The following SIPA1L3 variants were observed in gnomAD, a reference collection of about 807,000 sequenced individuals.
The protein encoded by SIPA1L3 is signal-induced proliferation-associated 1-like protein 3.
A neutral mutation model predicts 150.1 loss-of-function variants in SIPA1L3; 59 were observed. The observed-to-expected ratio is 0.39, with a 90% CI of 0.32 to 0.49. SIPA1L3 has a LOEUF of 0.49. Among genes scored for constraint, SIPA1L3 ranks in the 20% least tolerant of loss-of-function variants. The probability of loss-of-function intolerance (pLI) is 0.86; values close to 1 mark genes in which losing one functional copy is unlikely to be tolerated. For missense variants in SIPA1L3, 2,211 were observed against 2,489.5 expected, an observed-to-expected ratio of 0.89 and a Z score of 2.38; for synonymous variants, 1,070 against 1,077.6, an observed-to-expected ratio of 0.99 and a Z score of 0.14.
intron 2 of SIPA1L3, among the ~76,000 whole-genome samples, chr19:38,042,429 G>T (rs192377842): frequency 3.9e-4 from 59 of 152,210 alleles, no homozygotes; most frequent in East Asian, 9.6e-4. Context: ...GCTAGTTGGG[G>T]TTTTTTTGTG....
At chr19:38,172,087 C>T (rs58651963) in intron 15 of SIPA1L3, among the ~76,000 whole-genome samples, 1 of 152,214 alleles carries the variant, frequency 6.6e-6, no homozygotes, top group Non-Finnish European at 1.5e-5. Context: ...GGCAAAGTCT[C>T]TGAGGGGGCT....
chr19:38,105,513 C>T (rs1970602870), intron 6 of SIPA1L3, among the ~76,000 whole-genome samples: 1 of 152,196 alleles, frequency 6.6e-6, no homozygotes, highest in African/African-American at 2.4e-5. Flanking sequence ...GCAGGTTTGC[C>T]TCTTCCTAGC....
At chr19:38,183,506 G>C (rs1219616850) in intron 16 of SIPA1L3, among the ~76,000 whole-genome samples, 1 of 152,172 alleles carries the variant, frequency 6.6e-6, no homozygotes, top group Non-Finnish European at 1.5e-5. Flanking sequence ...GGACAGACTT[G>C]CCTTGAGTGG....
intron 6 of SIPA1L3, among the ~76,000 whole-genome samples, chr19:38,101,877 GTGCACACTGGCAGAGT>G (rs1970511579): frequency 6.6e-6 from 1 of 152,194 alleles, no homozygotes; most frequent in African/African-American, 2.4e-5. Context: ...GGTGCACCCA[GTGCACACTGGCAGAGT>G]TGCGCCGTGT....
At chr19:37,938,748 G>C (rs569293316) in intron 1 of SIPA1L3, among the ~76,000 whole-genome samples, 57 of 151,116 alleles carry the variant, frequency 3.8e-4, no homozygotes, top group African/African-American at 1.3e-3. Context: ...TCAGCCTCAC[G>C]AGTAGTTGGG....
At chr19:38,071,959 C>T (rs989214159) in intron 2 of SIPA1L3, among the ~76,000 whole-genome samples, 9 of 152,178 alleles carry the variant, frequency 5.9e-5, no homozygotes, top group Admixed American at 1.3e-4. Context: ...GTGGTGATGT[C>T]AAGTAATCAG....
intron 1 of SIPA1L3, among the ~76,000 whole-genome samples, chr19:37,943,799 C>T (rs577881893): frequency 6.6e-6 from 1 of 152,276 alleles, no homozygotes; most frequent in East Asian, 1.9e-4. Context: ...AGAGGTGTGA[C>T]CTCCTTCTCT....
At position 38,056,721 on chromosome 19, in the gene SIPA1L3, GT is replaced by G. The variant is rs111739944; in HGVS notation, c.-310-24527del. ...AATCAAATGAATGAAAACTTGTTTGGTTTTTTTTCCCCCTGATTTTGAAACA... is the reference window on the plus strand; with the variant it reads ...AATCAAATGAATGAAAACTTGTTTGGTTTTTTTCCCCCTGATTTTGAAACA... On this transcript the variant is annotated intron_variant, in intron 2 of 21. Transcript: ENST00000222345. 2.9e-4 allele frequency among the ~76,000 whole-genome samples: 44 copies of G among 152,098 alleles called. No individual in the cohort carries two copies. The South Asian group carries it at 5.8e-3, about 20-fold the overall frequency.
chr19:38,078,853 C>G (rs1383870198), intron 2 of SIPA1L3, among the ~76,000 whole-genome samples: 1 of 152,114 alleles, frequency 6.6e-6, no homozygotes, highest in Admixed American at 6.5e-5. Context: ...CCCACTTTCC[C>G]CTTCCTCTCC....
intron 1 of SIPA1L3, among the ~76,000 whole-genome samples, chr19:38,024,558 G>A (rs1345951758): frequency 6.6e-6 from 1 of 152,006 alleles, no homozygotes; most frequent in Admixed American, 6.6e-5. Flanking sequence ...AGCTGGCCCT[G>A]GGCCCCAGAT....
intron 3 of SIPA1L3, 93 bp from the exon 4 acceptor site, chr19:38,088,628 C>T: frequency 6.8e-7 from 1 of 1,477,224 alleles, no homozygotes; most frequent in Non-Finnish European, 9.2e-7. Context: ...TGCACAGGAC[C>T]CTGCCTGGTC....
intron 2 of SIPA1L3, among the ~76,000 whole-genome samples, chr19:38,080,249 T>G (rs559817141): frequency 1.4e-4 from 22 of 152,314 alleles, no homozygotes; most frequent in Admixed American, 9.8e-4. Context: ...GCAGAGTAGC[T>G]GAGCTGAGCA....
intron 2 of SIPA1L3, among the ~76,000 whole-genome samples, chr19:38,078,339 G>T (rs1048236880): frequency 2.0e-5 from 3 of 151,972 alleles, no homozygotes; most frequent in African/African-American, 7.3e-5. Context: ...CTTGCTATTT[G>T]CTCCTTGAAT....
In SIPA1L3 at chr19:37,967,606, T is replaced by C. The variant is rs546846777; in HGVS notation, c.-379+60248T>C. ...GTCATACTGGATTAGGGGCTCACCC[T>C]ACTTGATCCCAACTTTACTTCTGCA... On this transcript the variant is annotated intron_variant, in intron 1 of 21. Coordinates refer to ENST00000222345, the MANE Select transcript of SIPA1L3 (RefSeq NM_015073.3). Among the ~76,000 whole-genome samples the C allele has an allele frequency of 3.9e-5, 6 of 152,246 alleles. No homozygotes were observed. The East Asian group carries it at 1.2e-3, about 29-fold the overall frequency.
chr19:37,967,918 CA>C (rs1396927148), intron 1 of SIPA1L3, among the ~76,000 whole-genome samples: 1 of 152,116 alleles, frequency 6.6e-6, no homozygotes, highest in African/African-American at 2.4e-5. Flanking sequence ...CTCAGCCTCA[CA>C]AAGTGTTGGG....
chr19:38,103,192 T>C (rs988139414), intron 6 of SIPA1L3, among the ~76,000 whole-genome samples: 1 of 151,386 alleles, frequency 6.6e-6, no homozygotes, highest in Non-Finnish European at 1.5e-5. Flanking sequence ...TGGTTGGCTG[T>C]CTGGGGAGAG....
At position 38,041,069 on chromosome 19, in the gene SIPA1L3, G is replaced by A. The variant is rs144482874; in HGVS notation, c.-311+11913G>A. The stretch of plus-strand genomic sequence containing the variant: ...TGAGCCACCGTGTCCGGCCCCTATC[G>A]TGCTTTTTAAAGGAACCTTTATTTA... On this transcript the variant is annotated intron_variant, in intron 2 of 21. Coordinates refer to ENST00000222345, the MANE Select transcript of SIPA1L3 (RefSeq NM_015073.3). Among the ~76,000 whole-genome samples the A allele has an allele frequency of 2.3e-4, 35 of 149,888 alleles. 1 individual carries two copies. The highest frequency in any genetic ancestry group is 8.6e-4 in the South Asian group (4 of 4,678).
At chr19:38,067,710 C>A (rs967613032) in intron 2 of SIPA1L3, among the ~76,000 whole-genome samples, 1 of 151,100 alleles carries the variant, frequency 6.6e-6, no homozygotes, top group Non-Finnish European at 1.5e-5. Flanking sequence ...TGCAGTGAGC[C>A]GAGATCATGC....
At chr19:38,067,233 A>C (rs1297973800) in intron 2 of SIPA1L3, among the ~76,000 whole-genome samples, 1 of 152,060 alleles carries the variant, frequency 6.6e-6, no homozygotes, top group Non-Finnish European at 1.5e-5. Context: ...AGTAATTTAA[A>C]ATTTTGATGC....
Sources: allele counts gnomAD v4.1 joint callset (sites outside exome capture counted in the v4.1 genomes callset), GRCh38; gene constraint gnomAD v4.1.1; transcripts MANE v1.5; gene names NCBI Gene and HGNC (gene_info 2026-07-23, HGNC 2026-07-21).